The following NIN variants were observed in gnomAD, a reference collection of about 807,000 sequenced individuals.
The protein encoded by NIN is glycogen synthase kinase 3 beta-interacting protein.
In NIN, 137 loss-of-function variants were observed where a neutral mutation model predicts 257.6. That is an observed-to-expected ratio of 0.53 (90% CI 0.46 to 0.61). The LOEUF is 0.61. Among genes scored for constraint, NIN ranks in the 20% least tolerant of loss-of-function variants. NIN has a pLI of 0.00. For missense variants in NIN, 2,439 were observed against 2,501.2 expected, an observed-to-expected ratio of 0.98 and a Z score of 0.53; for synonymous variants, 918 against 919.8, an observed-to-expected ratio of 1.00 and a Z score of 0.04.
chr14:50,741,299 T>C lies in NIN; in HGVS notation c.5448+283A>G, dbSNP rs73295469. Among the ~76,000 whole-genome samples the C allele has an allele frequency of 5.9e-3, 894 of 152,230 alleles. 7 individuals are homozygous for C. The highest frequency in any genetic ancestry group is 0.02 in the African/African-American group (841 of 41,532). ...AAAGACCTGTTTTATATCACTATGG[T>C]TTCATTTATATGAAATTTAGAAAAA... On this transcript the variant is annotated intron_variant, in intron 25 of 30. Coordinates refer to ENST00000530997, the MANE Select transcript of NIN (RefSeq NM_020921.4).
At chr14:50,726,200 A>C in intron 29 of NIN, 134 bp from the exon 30 acceptor site, 1 of 680,496 alleles carries the variant, frequency 1.5e-6, no homozygotes, top group Admixed American at 2.8e-5. Flanking sequence ...TTTCTCATGA[A>C]ATGAGAGTTT....
chr14:50,740,428 A>C (rs1038955040), intron 25 of NIN, among the ~76,000 whole-genome samples: 4 of 151,642 alleles, frequency 2.6e-5, no homozygotes, highest in African/African-American at 9.7e-5. Context: ...GGCTCACTGC[A>C]ACCTAGCCCT....
At chr14:50,735,379 A>AC in intron 28 of NIN, 137 bp downstream of exon 28, 1 of 1,268,158 alleles carries the variant, frequency 7.9e-7, no homozygotes, top group Non-Finnish European at 1.1e-6. Context: ...GGTAAGGCGG[A>AC]CCAAAGAATT....
chr14:50,821,736 C>A, intron 3 of NIN, 138 bp downstream of exon 3: 1 of 708,342 alleles, frequency 1.4e-6, no homozygotes. Context: ...GATGTCACAC[C>A]CATTACATTC....
At chr14:50,747,903 G>C in intron 22 of NIN, 89 bp downstream of exon 22, 1 of 874,514 alleles carries the variant, frequency 1.1e-6, no homozygotes, top group East Asian at 2.5e-5. Flanking sequence ...TGGTACAAAG[G>C]ACAACTGGTG....
At position 50,775,037 on chromosome 14, in the gene NIN, C is replaced by T. The variant is rs561407728; in HGVS notation, c.666+1912G>A. ...ACAAACCCAAACACTCAAAGAGGCC[C>T]GGAAGATGATGTCAACGAATGAGGC... On this transcript the variant is annotated intron_variant, in intron 7 of 30. Transcript: ENST00000530997. Among the ~76,000 whole-genome samples, 4 of 152,198 alleles carry T rather than the reference C, an allele frequency of 2.6e-5. No individual in the cohort carries two copies. The East Asian group carries it at 5.8e-4, about 22-fold the overall frequency.
chr14:50,831,268 C>T (rs1005321990), upstream of NIN: 2 of 151,952 alleles, frequency 1.3e-5, no homozygotes, highest in African/African-American at 4.8e-5. Flanking sequence ...GCGGCGCCGC[C>T]TGAGCCCTCG....
In NIN at chr14:50,765,436, G is replaced by A. The variant is rs191518426; in HGVS notation, c.1635+871C>T. On this transcript the variant is annotated intron_variant, in intron 14 of 30. Transcript: ENST00000530997. The stretch of plus-strand genomic sequence containing the variant: ...TGTATGTATATTTCCTGAAAAGGAG[G>A]GCTGCAAGTAACTTCATAATATGAT... Among the ~76,000 whole-genome samples, 9 of 152,174 alleles carry A rather than the reference G, an allele frequency of 5.9e-5. No individual in the cohort carries two copies. The East Asian group carries it at 1.7e-3, about 29-fold the overall frequency.
At chr14:50,730,435 C>T (rs984620545) in intron 28 of NIN, among the ~76,000 whole-genome samples, 8 of 152,122 alleles carry the variant, frequency 5.3e-5, no homozygotes, top group African/African-American at 1.7e-4. Context: ...AGGCAGGCCA[C>T]CTCACATCTA....
At chr14:50,727,757 G>T (rs757375431) in intron 29 of NIN, 1 of 1,421,762 alleles carries the variant, frequency 7.0e-7, no homozygotes, top group Non-Finnish European at 9.5e-7. Flanking sequence ...AAGGCCTAGA[G>T]AAAGAAGGCA....
At position 50,725,815 on chromosome 14, in the gene NIN, G is replaced by C. The variant is rs75328715; in HGVS notation, c.6192+138C>G. On this transcript the variant is annotated intron_variant, in intron 30 of 30. Transcript: ENST00000530997. ...TGATATGAGGGATAGCAAATCCTAA[G>C]TTCTTACAGACATTTATAATAGAAT... 217 of 1,503,032 alleles carry C rather than the reference G, an allele frequency of 1.4e-4. 1 individual carries two copies. The East Asian group carries it at 4.9e-3, about 34-fold the overall frequency. The allele number at this position is 1,503,032 out of a possible 1,614,324, so 93.1% of individuals were successfully genotyped here. A position where few individuals can be genotyped will look rare whatever the true frequency, so the allele number is the denominator to read the frequency against.
intron 2 of NIN, among the ~76,000 whole-genome samples, chr14:50,824,783 T>C (rs965994190): frequency 6.6e-6 from 1 of 152,124 alleles, no homozygotes; most frequent in Non-Finnish European, 1.5e-5. Context: ...AATGGGCATA[T>C]GAAAATTTTG....
chr14:50,813,818 A>G (rs916617305), intron 3 of NIN, among the ~76,000 whole-genome samples: 1 of 152,264 alleles, frequency 6.6e-6, no homozygotes, highest in East Asian at 1.9e-4. Context: ...AGGTCTATGT[A>G]ACTAATACAA....
intron 17 of NIN, among the ~76,000 whole-genome samples, chr14:50,759,329 T>C (rs1461799215): frequency 6.6e-6 from 1 of 152,230 alleles, no homozygotes; most frequent in Non-Finnish European, 1.5e-5. Context: ...ATACGAGGAA[T>C]ACTTTCCTCT....
intron 29 of NIN, among the ~76,000 whole-genome samples, chr14:50,726,957 A>G (rs993472463): frequency 4.6e-5 from 7 of 152,238 alleles, no homozygotes; most frequent in Non-Finnish European, 7.3e-5. Flanking sequence ...ACACTTAATC[A>G]TAAAAGAAAC....
Position 50,756,630 on chromosome 14 carries a change from TTCCTAG to T in NIN, c.4394_4399del (p.Thr1465_Arg1466del). 2 of 1,561,286 alleles carry T rather than the reference TTCCTAG, an allele frequency of 1.3e-6. No individual in the cohort carries two copies. The highest frequency in any genetic ancestry group is 1.7e-6 in the Non-Finnish European group (2 of 1,151,220). ...TAAAATAGTGACTCTCTCCTTCAAC[TTCCTAG>T]TCAGCTCCTGTAACTTTGTTTTCTC... is the stretch of plus-strand genomic sequence containing the variant. On this transcript the variant is annotated inframe_deletion, in exon 18 of 31. Transcript: ENST00000530997.
At chr14:50,781,839 A>G (rs2043146809) in intron 5 of NIN, among the ~76,000 whole-genome samples, 1 of 152,272 alleles carries the variant, frequency 6.6e-6, no homozygotes, top group Admixed American at 6.5e-5. Context: ...ATATGTTTAC[A>G]TGATACATGT....
chr14:50,751,548 T>C (rs2041790560), intron 21 of NIN, among the ~76,000 whole-genome samples: 2 of 152,302 alleles, frequency 1.3e-5, no homozygotes, highest in South Asian at 4.1e-4. Flanking sequence ...TCCATAGATT[T>C]GAGGGCCATT....
chr14:50,810,330 A>T (rs530864500), intron 3 of NIN, among the ~76,000 whole-genome samples: 2 of 152,180 alleles, frequency 1.3e-5, no homozygotes, highest in South Asian at 4.2e-4. Flanking sequence ...CTGCTTCCCA[A>T]CTCACTGCAG....
Sources: allele counts gnomAD v4.1 joint callset (sites outside exome capture counted in the v4.1 genomes callset), GRCh38; gene constraint gnomAD v4.1.1; transcripts MANE v1.5; gene names NCBI Gene and HGNC (gene_info 2026-07-23, HGNC 2026-07-21).